The following MPG variants were observed in gnomAD, a reference collection of about 807,000 sequenced individuals.
MPG encodes N-methylpurine DNA glycosylase.
Under a neutral mutation model 31.7 loss-of-function variants are expected in MPG, and 33 were observed. The ratio of observed to expected loss-of-function variants is 1.04; its 90% CI spans 0.79 to 1.39. The LOEUF (loss-of-function observed/expected upper bound fraction) is 1.39. Among genes scored for constraint, MPG ranks in the 40% most tolerant of loss-of-function variants. The pLI, the probability that MPG is intolerant of heterozygous loss-of-function variation, is 0.00. For missense variants in MPG, 455 were observed against 415.5 expected (o/e 1.10, Z -0.83); for synonymous variants, 202 against 169.2 (o/e 1.19, Z -1.51).
intron 3 of MPG, 66 bp downstream of exon 3, chr16:83,322 A>G (rs763517257): frequency 2.3e-5 from 34 of 1,487,908 alleles, no homozygotes; most frequent in Non-Finnish European, 3.0e-5. Flanking sequence ...CAGCCAGGGG[A>G]CCACTAGGAG....
chr16:82,146 G>A (rs8061816), intron 2 of MPG, among the ~76,000 whole-genome samples: 166 of 4,026 alleles, frequency 0.041, 1 homozygote, highest in Admixed American at 0.064. Flanking sequence ...CCCCACGCTG[G>A]CCCCTTCTTC....
chr16:83,720 G>A (rs1358827128), intron 3 of MPG, among the ~76,000 whole-genome samples: 11 of 148,090 alleles, frequency 7.4e-5, no homozygotes, highest in African/African-American at 2.2e-4. Flanking sequence ...CAGCCTGGGT[G>A]ACAGAGCGAG....
intron 1 of MPG, chr16:79,032 G>C: frequency 7.0e-7 from 1 of 1,425,038 alleles, no homozygotes; most frequent in Middle Eastern, 2.6e-4. Flanking sequence ...TGAAAGGGCA[G>C]GGCTCCAGAA....
Position 78,265 on chromosome 16 carries a change from C to T in MPG, c.-45C>T, listed in dbSNP as rs1333457436. ...TCCGTGGTCGGCGGCTGCTGGGCTC[C>T]GCGCCGGGGTCCGAGTCCCACGAAG... On this transcript the variant is annotated 5_prime_UTR_variant, in exon 1 of 4. Transcript: ENST00000356432. 4 of 1,367,860 alleles carry T rather than the reference C, an allele frequency of 2.9e-6. No individual in the cohort carries two copies. The highest frequency in any genetic ancestry group is 1.6e-5 in the South Asian group (1 of 64,242). The allele number at this position is 1,367,860 out of a possible 1,614,324, so 84.7% of individuals were successfully genotyped here.
At chr16:77,907 G>C (rs3176371), upstream of MPG, among the ~76,000 whole-genome samples, 16,958 of 152,064 alleles carry the variant, frequency 0.11, 3,226 homozygotes, top group African/African-American at 0.39. Context: ...CCGTCCTCTC[G>C]GTGGTCTGAC....
upstream of MPG, chr16:78,022 C>G (rs939189064): frequency 1.1e-5 from 3 of 283,618 alleles, no homozygotes; most frequent in Non-Finnish European, 1.3e-5. Context: ...GGGCTCGCCC[C>G]ACCCCCAGGT....
chr16:82,065 G>C (rs12933446), intron 2 of MPG, among the ~76,000 whole-genome samples: 228 of 80,488 alleles, frequency 2.8e-3, no homozygotes, highest in South Asian at 3.7e-3. Flanking sequence ...CTCCGGGAAG[G>C]CCTCCTGAAT....
At chr16:82,730 G>A (rs1422316038) in intron 2 of MPG, among the ~76,000 whole-genome samples, 1 of 152,204 alleles carries the variant, frequency 6.6e-6, no homozygotes, top group Non-Finnish European at 1.5e-5. Flanking sequence ...CTGGGGAATG[G>A]AGGGTCCTGC....
rs774617942 is a variant in MPG at position 83,118 on chromosome 16, C to A, written c.367C>A (p.Leu123Met). The change falls in exon 3 of 4, where the codon CTG (leucine) becomes ATG (methionine). Residue 123 changes from leucine to methionine, a missense_variant. By Grantham distance (15) the Leu-to-Met change is conservative. Coordinates refer to ENST00000356432, the MANE Select transcript of MPG (RefSeq NM_001015052.3). ...RGRIVETEAY[L>M]GPEDEAAHSR... ...CCGCATCGTGGAGACCGAGGCATAC[C>A]TGGGGCCAGAGGATGAAGCCGCCCA... 49 of 1,612,970 alleles carry A rather than the reference C, an allele frequency of 3.0e-5. No individual in the cohort carries two copies. Among genetic ancestry groups the A allele is most frequent in the Non-Finnish European group, 4.1e-5 (48 of 1,179,884 alleles).
Position 78,237 on chromosome 16 carries a change from G to A in MPG, c.-73G>A, listed in dbSNP as rs1898142788. On this transcript the variant is annotated 5_prime_UTR_variant, in exon 1 of 4. Coordinates refer to ENST00000356432, the MANE Select transcript of MPG (RefSeq NM_001015052.3). ...GCCGCTCCGCCCCGGTCCTAGGGGT[G>A]CTTCCGTGGTCGGCGGCTGCTGGGC... The A allele has an allele frequency of 7.5e-7, 1 of 1,338,434 alleles. No homozygotes were observed. The highest frequency in any genetic ancestry group is 3.1e-5 in the Admixed American group (1 of 32,108). The allele number at this position is 1,338,434 out of a possible 1,614,324, so 82.9% of individuals were successfully genotyped here.
At chr16:82,695 C>T (rs1287588008) in intron 2 of MPG, among the ~76,000 whole-genome samples, 1 of 152,186 alleles carries the variant, frequency 6.6e-6, no homozygotes, top group African/African-American at 2.4e-5. Context: ...ATGGTTTTCT[C>T]AAGGGCACTT....
At chr16:79,305 G>T in intron 1 of MPG, 120 bp from the exon 2 acceptor site, 1 of 1,600,980 alleles carries the variant, frequency 6.2e-7, no homozygotes, top group South Asian at 1.1e-5. Flanking sequence ...GGTCACCCCC[G>T]CTTTGCAGAT....
Position 83,259 on chromosome 16 carries a change from G to T in MPG, c.505+3G>T. The T allele has an allele frequency of 1.2e-6, 2 of 1,609,976 alleles. No individual in the cohort carries two copies. Among genetic ancestry groups the T allele is most frequent in the South Asian group, 1.1e-5 (1 of 90,886 alleles). Reference sequence around the variant, plus strand: ...CTGCATGAACATCTCCAGCCAGGGTGAGCAGTGCTGGGGCACGGGGGGTTG... The same window carrying T: ...CTGCATGAACATCTCCAGCCAGGGTTAGCAGTGCTGGGGCACGGGGGGTTG... On this transcript the variant is annotated splice_donor_region_variant and intron_variant, in intron 3 of 3. Coordinates refer to ENST00000356432, the MANE Select transcript of MPG (RefSeq NM_001015052.3).
chr16:85,479 T>G lies in MPG; in HGVS notation c.584T>G (p.Leu195Arg), dbSNP rs535370395. 10 of 1,613,108 alleles carry G rather than the reference T, an allele frequency of 6.2e-6. No homozygotes were observed. The African/African-American group carries it at 9.3e-5, about 15-fold the overall frequency. ...LETMRQLRST[L>R]RKGTASRVLK... ...ACCATGCGTCAGCTTCGCAGCACCC[T>G]CCGGAAAGGCACCGCCAGCCGTGTC... The change falls in exon 4 of 4, where the codon CTC becomes CGC. Residue 195 changes from leucine to arginine, a missense_variant. Physicochemically the swap from Leu to Arg is moderately radical, Grantham distance 102. Coordinates refer to ENST00000356432, the MANE Select transcript of MPG (RefSeq NM_001015052.3).
At chr16:82,092 C>T (rs1898260353) in intron 2 of MPG, among the ~76,000 whole-genome samples, 1 of 109,000 alleles carries the variant, frequency 9.2e-6, no homozygotes, top group Non-Finnish European at 1.7e-5. Context: ...CACGCTGGCC[C>T]CTTCTTCCCA....
chr16:77,944 G>A, upstream of MPG: 1 of 182,058 alleles, frequency 5.5e-6, no homozygotes, highest in Non-Finnish European at 1.1e-5. Flanking sequence ...GGGCTCTGGG[G>A]CCGCCAGGCG....
chr16:77,189 T>G (rs556839428), upstream of MPG: 13 of 152,240 alleles, frequency 8.5e-5, no homozygotes, highest in African/African-American at 2.9e-4. Flanking sequence ...CGAGGGTTTT[T>G]GTGCGGCAGA....
upstream of MPG, chr16:78,167 C>T: frequency 3.0e-6 from 2 of 660,196 alleles, no homozygotes. Flanking sequence ...GTTCCCGGCG[C>T]TCACTGCCCC....
In MPG at chr16:78,300, G is replaced by T. The variant is rs771648570; in HGVS notation, c.-10G>T. 4 of 1,337,084 alleles carry T rather than the reference G, an allele frequency of 3.0e-6. No individual in the cohort carries two copies. The highest frequency in any genetic ancestry group is 3.8e-6 in the Non-Finnish European group (4 of 1,042,074). 82.8% of individuals were successfully genotyped at this position (1,337,084 alleles called of 1,614,324 possible). ...TCCGAGTCCCACGAAGCCCCGGCCC[G>T]AGCCGCCGGATGCCCGCGCGCAGCG... On this transcript the variant is annotated 5_prime_UTR_variant, in exon 1 of 4. Transcript: ENST00000356432.
Sources: allele counts gnomAD v4.1 joint callset (sites outside exome capture counted in the v4.1 genomes callset), GRCh38; gene constraint gnomAD v4.1.1; transcripts MANE v1.5; gene names NCBI Gene and HGNC (gene_info 2026-07-23, HGNC 2026-07-21).